Variants in KLRC4 observed in about 807,000 individuals in gnomAD.
KLRC4 encodes NKG2-F type II integral membrane protein.
A neutral mutation model predicts 14.3 loss-of-function variants in KLRC4; 6 were observed. That is an observed-to-expected ratio of 0.42 (90% CI 0.23 to 0.83). The LOEUF (loss-of-function observed/expected upper bound fraction) is 0.83, where lower values mean the gene tolerates loss of function less well. Among genes scored for constraint, KLRC4 ranks in the 40% least tolerant of loss-of-function variants. KLRC4 has a pLI of 0.29. For missense variants in KLRC4, 158 were observed against 179.4 expected (o/e 0.88, Z 0.68); for synonymous variants, 53 against 60.5 (o/e 0.88, Z 0.57).
intron 3 of KLRC4, 100 bp from the exon 4 acceptor site, chr12:10,407,889 G>A: frequency 7.0e-7 from 1 of 1,429,040 alleles, no homozygotes. Context: ...CACAATATCT[G>A]CATCCTCATA....
intron 1 of KLRC4, among the ~76,000 whole-genome samples, 166 bp from the exon 2 acceptor site, chr12:10,409,176 A>G (rs2447702): frequency 0.014 from 2,185 of 152,356 alleles, 47 homozygotes; most frequent in African/African-American, 0.05. Flanking sequence ...TTTCATTATC[A>G]GTAAATATAA....
intron 2 of KLRC4, 45 bp downstream of exon 2, chr12:10,408,867 A>G: frequency 6.2e-7 from 1 of 1,611,256 alleles, no homozygotes; most frequent in Non-Finnish European, 8.5e-7. Flanking sequence ...GCTTCCAATC[A>G]TTATAGTGAA....
At position 10,409,426 on chromosome 12, in the gene KLRC4, C is replaced by A. The variant is rs1841957; in HGVS notation, c.150G>T (p.Ser50=). 6.2e-7 allele frequency: 1 copy of A among 1,611,570 alleles called. No homozygotes were observed. The highest frequency in any genetic ancestry group is 2.2e-5 in the East Asian group (1 of 44,862). ...ATGTCTTGTCATTCCCTTGATGATC[C>A]GAAGAAGCATTTTGAAGGTTTAATT... ...QVELNLQNAS[S]DHQGNDKTYH... is the part of the protein sequence containing the mutation. Residue 50 remains serine, a synonymous_variant, in exon 1 of 4, where the codon TCG becomes TCT. Coordinates refer to ENST00000309384, the MANE Select transcript of KLRC4 (RefSeq NM_013431.2).
chr12:10,409,289 A>G, intron 1 of KLRC4, 100 bp downstream of exon 1: 2 of 1,241,018 alleles, frequency 1.6e-6, no homozygotes, highest in Non-Finnish European at 1.1e-6. Flanking sequence ...TTGACCTCTG[A>G]TTCTCACAAG....
Position 10,409,425 on chromosome 12 carries a change from C to T in KLRC4, c.151G>A (p.Asp51Asn). 1.2e-6 allele frequency: 2 copies of T among 1,612,646 alleles called. No individual in the cohort carries two copies. Among genetic ancestry groups the T allele is most frequent in the Non-Finnish European group, 1.7e-6 (2 of 1,178,678 alleles). Residue 51 changes from aspartate (D) to asparagine (N), a missense_variant, in exon 1 of 4, where the codon GAT becomes AAT. Coordinates refer to ENST00000309384, the MANE Select transcript of KLRC4 (RefSeq NM_013431.2). ...TATGTCTTGTCATTCCCTTGATGAT[C>T]CGAAGAAGCATTTTGAAGGTTTAAT... The part of the protein sequence containing the change: ...VELNLQNASS[D>N]HQGNDKTYHC...
Position 10,407,540 on chromosome 12 carries a change from GAAGTA to G in KLRC4, c.*108_*112del. On this transcript the variant is annotated 3_prime_UTR_variant, in exon 4 of 4. Transcript: ENST00000309384. ...ATACTACACAGACTTAAAAATATAT[GAAGTA>G]AATATATGTATAAACATATGGATGA... is the stretch of plus-strand genomic sequence containing the variant. 1 of 1,247,626 alleles carries G rather than the reference GAAGTA, an allele frequency of 8.0e-7. No homozygotes were observed. The highest frequency in any genetic ancestry group is 1.1e-6 in the Non-Finnish European group (1 of 901,854). The allele number at this position is 1,247,626 out of a possible 1,614,324, so 77.3% of individuals were successfully genotyped here.
In KLRC4 at chr12:10,409,147, T is replaced by C. The variant is rs1863546668; in HGVS notation, c.188-137A>G. Reference sequence around the variant, plus strand: ...TAAATCTACATCTACTCTAGTAATCTTTCTCTCAGAATATACCATTTCATT... The same window carrying C: ...TAAATCTACATCTACTCTAGTAATCCTTCTCTCAGAATATACCATTTCATT... On this transcript the variant is annotated intron_variant, in intron 1 of 3. Transcript: ENST00000309384. 4 of 1,019,038 alleles carry C rather than the reference T, an allele frequency of 3.9e-6. No individual in the cohort carries two copies. The East Asian group carries it at 9.7e-5, about 25-fold the overall frequency. 63.1% of individuals were successfully genotyped at this position (1,019,038 alleles called of 1,614,324 possible).
rs1863552925 is a variant in KLRC4, at chr12:10,409,532, T to C, written c.44A>G (p.Gln15Arg). Residue 15 changes from glutamine (Q) to arginine (R), a missense_variant, in exon 1 of 4, where the codon CAG (glutamine) becomes CGG (arginine). By Grantham distance (43) the Gln-to-Arg change is conservative (BLOSUM62 1). Coordinates refer to ENST00000309384, the MANE Select transcript of KLRC4 (RefSeq NM_013431.2). Reference protein sequence around the residue: ...RGTYSEVSLAQDPKRQQRKLK... With the variant: ...RGTYSEVSLARDPKRQQRKLK... ...TTTCCTTTGCTGCCTCTTTGGGTCC[T>C]GGGCCAGACTCACTTCTGAGTAGGT... 1 of 1,614,072 alleles carries C rather than the reference T, an allele frequency of 6.2e-7. No homozygotes were observed.
chr12:10,407,421 T>G lies in KLRC4; in HGVS notation c.*232A>C, dbSNP rs539845246. ...ATATTTATTTTGTGATAAAAACATT[T>G]ATAGAAGCATGGGTTTCCATGAAAA... On this transcript the variant is annotated 3_prime_UTR_variant, in exon 4 of 4. Coordinates refer to ENST00000309384, the MANE Select transcript of KLRC4 (RefSeq NM_013431.2). 2.2e-6 allele frequency: 1 copy of G among 448,902 alleles called. No individual in the cohort carries two copies. The highest frequency in any genetic ancestry group is 4.3e-5 in the South Asian group (1 of 23,484). 27.8% of individuals were successfully genotyped at this position (448,902 alleles called of 1,614,324 possible).
In KLRC4 at chr12:10,407,754, TA is replaced by T. The variant is rs1339157750; in HGVS notation, c.375del (p.Thr126HisfsTer29). ...RHCGHCPEEW[I>X]TYSNSCYYIG... ...ATGTAATAACAACTGTTGGAATATG[TA>T]ATCCACTCCTCAGGACAATGGCCAC... On this transcript the variant is annotated frameshift_variant, in exon 4 of 4. Coordinates refer to ENST00000309384, the MANE Select transcript of KLRC4 (RefSeq NM_013431.2). LOFTEE classifies it low-confidence loss of function (END_TRUNC). 2.5e-6 allele frequency: 4 copies of T among 1,613,680 alleles called. No homozygotes were observed. The highest frequency in any genetic ancestry group is 3.4e-6 in the Non-Finnish European group (4 of 1,179,794).
At position 10,407,803 on chromosome 12, in the gene KLRC4, T is replaced by C. The variant is rs370251561; in HGVS notation, c.341-14A>G. 5 of 1,600,480 alleles carry C rather than the reference T, an allele frequency of 3.1e-6. No homozygotes were observed. The African/African-American group carries it at 4.0e-5, about 13-fold the overall frequency. On this transcript the variant is annotated splice_polypyrimidine_tract_variant and intron_variant, in intron 3 of 3. Transcript: ENST00000309384. ...CACAATGACGTGCTAAATAAAAATA[T>C]GAATTACTATGCAAAACAATATGTT...
intron 3 of KLRC4, among the ~76,000 whole-genome samples, 184 bp from the exon 4 acceptor site, chr12:10,407,973 C>T (rs1450891892): frequency 4.6e-5 from 7 of 152,114 alleles, no homozygotes; most frequent in Admixed American, 3.9e-4. Context: ...ACCTCTCATC[C>T]CTTAATTGTG....
At chr12:10,408,875 G>A in intron 2 of KLRC4, 37 bp downstream of exon 2, 2 of 1,612,362 alleles carry the variant, frequency 1.2e-6, no homozygotes, top group South Asian at 2.2e-5. Flanking sequence ...TCATTATAGT[G>A]AAAAGTTCCC....
At chr12:10,407,910 T>C in intron 3 of KLRC4, 121 bp from the exon 4 acceptor site, 2 of 1,337,574 alleles carry the variant, frequency 1.5e-6, no homozygotes, top group Non-Finnish European at 2.0e-6. Context: ...AGTTGTTAAA[T>C]ATATATTTTA....
chr12:10,408,888 A>G, intron 2 of KLRC4, 24 bp downstream of exon 2: 1 of 1,613,286 alleles, frequency 6.2e-7, no homozygotes, highest in Non-Finnish European at 8.5e-7. Context: ...AAGTTCCCTT[A>G]TAATCTTTCA....
At position 10,408,915 on chromosome 12, in the gene KLRC4, G is replaced by A. The variant is rs762665540; in HGVS notation, c.283C>T (p.Pro95Ser). 14 of 1,613,606 alleles carry A rather than the reference G, an allele frequency of 8.7e-6. No individual in the cohort carries two copies. In the South Asian group the frequency reaches 1.5e-4, roughly 18 times the overall value. ...ATVLKTIVLIPCIGVLEQNNF... is the reference protein window; with the variant it reads ...ATVLKTIVLISCIGVLEQNNF... ...AATCTTTCAAGAATATGCTTACAAG[G>A]AATAAGAACTATTGTTTTTAACACA... The change falls in exon 2 of 4, where the codon CCT becomes TCT. Residue 95 changes from proline to serine, a missense_variant. Coordinates refer to ENST00000309384, the MANE Select transcript of KLRC4 (RefSeq NM_013431.2).
At position 10,409,685 on chromosome 12, in the gene KLRC4, T is replaced by C. The variant is rs1195256763; in HGVS notation, c.-110A>G. On this transcript the variant is annotated 5_prime_UTR_variant, in exon 1 of 4. Transcript: ENST00000309384. ...CCTGGTATAGGCAAACTGCATGTGT[T>C]GGAGGCTGAGTAGTAATGTTCATTT... 10 of 1,417,992 alleles carry C rather than the reference T, an allele frequency of 7.1e-6. No homozygotes were observed. The highest frequency in any genetic ancestry group is 9.4e-6 in the Non-Finnish European group (10 of 1,058,974). 87.8% of individuals were successfully genotyped at this position (1,417,992 alleles called of 1,614,324 possible). A position where few individuals can be genotyped will look rare whatever the true frequency, so the allele number is the denominator to read the frequency against.
chr12:10,407,905 T>C (rs1473023810), intron 3 of KLRC4, 116 bp from the exon 4 acceptor site: 2 of 1,357,518 alleles, frequency 1.5e-6, no homozygotes, highest in Admixed American at 2.5e-5. Context: ...TCATAAGTTG[T>C]TAAATATATA....
intron 3 of KLRC4, 150 bp downstream of exon 3, chr12:10,408,179 G>C (rs535986610): frequency 1.8e-6 from 1 of 567,380 alleles, no homozygotes; most frequent in Non-Finnish European, 3.1e-6. Flanking sequence ...TTGGAGAAAA[G>C]GACATGCCCT....
Sources: gnomAD v4.1 joint callset for allele counts (sites outside exome capture counted in the v4.1 genomes callset) on GRCh38, gnomAD v4.1.1 for gene constraint, MANE v1.5 for transcripts, NCBI Gene and HGNC (gene_info 2026-07-23, HGNC 2026-07-21) for gene names.